CSNK1A1: variants seen among roughly 807,000 people sequenced by gnomAD.
CSNK1A1 encodes the protein casein kinase I isoform alpha.
In CSNK1A1, 7 loss-of-function variants were observed where a neutral mutation model predicts 46.1. The ratio of observed to expected loss-of-function variants is 0.15; its 90% CI spans 0.09 to 0.29. The LOEUF is 0.29. Ranked by LOEUF, CSNK1A1 falls within the 10% of genes least tolerant of loss-of-function variation. CSNK1A1 has a pLI of 1.00. For synonymous variants in CSNK1A1, 137 were observed against 141.5 expected, an observed-to-expected ratio of 0.97 and a Z score of 0.23; for missense variants, 96 against 417.1, an observed-to-expected ratio of 0.23 and a Z score of 6.71.
chr5:149,549,129 T>TTC (rs1762578073), intron 2 of CSNK1A1, among the ~76,000 whole-genome samples: 1 of 152,192 alleles, frequency 6.6e-6, no homozygotes, highest in South Asian at 2.1e-4. Context: ...AGGCCCCAAT[T>TTC]TCTCTGATGT....
intron 9 of CSNK1A1, chr5:149,498,602 T>C (rs1167992769): frequency 7.2e-6 from 5 of 697,830 alleles, no homozygotes; most frequent in Non-Finnish European, 8.7e-6. Flanking sequence ...TTAAACAGAT[T>C]AAACAGGATT....
chr5:149,547,979 T>A (rs1762532937), intron 2 of CSNK1A1, among the ~76,000 whole-genome samples: 1 of 152,092 alleles, frequency 6.6e-6, no homozygotes, highest in Admixed American at 6.5e-5. Flanking sequence ...CAAGCTATTC[T>A]CCTGCTTCAG....
Position 149,525,321 on chromosome 5 carries a change from C to T in CSNK1A1, c.231-150G>A, listed in dbSNP as rs1761692904. On this transcript the variant is annotated intron_variant, in intron 2 of 9. Coordinates refer to ENST00000377843, the MANE Select transcript of CSNK1A1 (RefSeq NM_001892.6). This position sits in a 1 kb window ranked among gnomAD's most constrained non-coding sequence, Gnocchi z 4.2. Reference sequence around the variant, plus strand: ...AGAAGACAAACCCACTAATTAACTACAAGGCCCAAAGACAAAACAAGGGTA... The same window carrying T: ...AGAAGACAAACCCACTAATTAACTATAAGGCCCAAAGACAAAACAAGGGTA... 2.4e-6 allele frequency: 2 copies of T among 823,088 alleles called. No homozygotes were observed. The highest frequency in any genetic ancestry group is 6.0e-5 in the East Asian group (2 of 33,320). The allele number at this position is 823,088 out of a possible 1,614,324, so 51.0% of individuals were successfully genotyped here.
intron 2 of CSNK1A1, among the ~76,000 whole-genome samples, chr5:149,536,967 A>T (rs1762078103): frequency 6.6e-6 from 1 of 152,232 alleles, no homozygotes; most frequent in Non-Finnish European, 1.5e-5. Context: ...AAGATTCTTA[A>T]TATAACCCTA....
At chr5:149,511,477 T>A in intron 6 of CSNK1A1, among the ~76,000 whole-genome samples, 1 of 152,140 alleles carries the variant, frequency 6.6e-6, no homozygotes, top group East Asian at 1.9e-4. Flanking sequence ...ATTTTCAACA[T>A]AATGGCAACA....
At chr5:149,498,500 GTT>G (rs1760726143) in intron 9 of CSNK1A1, 1 of 985,072 alleles carries the variant, frequency 1.0e-6, no homozygotes, top group Non-Finnish European at 1.2e-6. Context: ...TACAGGAAAA[GTT>G]TCAAGCTTCT....
intron 2 of CSNK1A1, among the ~76,000 whole-genome samples, chr5:149,546,860 A>G (rs886206186): frequency 3.9e-5 from 6 of 152,212 alleles, no homozygotes; most frequent in Non-Finnish European, 7.3e-5. Flanking sequence ...TACCATGTAT[A>G]GGTGATACAG....
intron 7 of CSNK1A1, among the ~76,000 whole-genome samples, chr5:149,508,529 A>G (rs757607615): frequency 6.6e-6 from 1 of 152,228 alleles, no homozygotes; most frequent in Non-Finnish European, 1.5e-5. Flanking sequence ...GGATGAGATC[A>G]TGGTTATTCA....
Position 149,505,011 on chromosome 5 carries a change from A to G in CSNK1A1, c.1006+436T>C, listed in dbSNP as rs1056045934. ...AAAGCATTAACATGCAAAATAAAAA[A>G]TCTTAACATTGTTAGTCTGAAATAA... is the stretch of plus-strand genomic sequence containing the variant. On this transcript the variant is annotated intron_variant, in intron 9 of 9. Coordinates refer to ENST00000377843, the MANE Select transcript of CSNK1A1 (RefSeq NM_001892.6). The G allele has an allele frequency of 3.0e-6, 3 of 985,920 alleles. No homozygotes were observed. In the African/African-American group the frequency reaches 5.2e-5, roughly 17 times the overall value. The allele number at this position is 985,920 out of a possible 1,614,324, so 61.1% of individuals were successfully genotyped here.
Position 149,496,679 on chromosome 5 carries a change from G to T in CSNK1A1, c.*174C>A. 1.4e-6 allele frequency: 1 copy of T among 717,772 alleles called. No individual in the cohort carries two copies. Among genetic ancestry groups the T allele is most frequent in the Non-Finnish European group, 2.1e-6 (1 of 467,942 alleles). 44.5% of individuals were successfully genotyped at this position (717,772 alleles called of 1,614,324 possible). ...TACAGAGGCTACAACTCAGGATACA[G>T]CATCACCAATGCTGCCCAGAGTCAG... On this transcript the variant is annotated 3_prime_UTR_variant, in exon 10 of 10. Transcript: ENST00000377843.
intron 2 of CSNK1A1, chr5:149,529,591 G>C (rs1345149907): frequency 7.0e-6 from 3 of 425,718 alleles, no homozygotes; most frequent in Admixed American, 5.2e-5. Flanking sequence ...AAGTAAGGCA[G>C]AAAAGGGCTT....
In CSNK1A1 at chr5:149,550,837, A is replaced by T. The variant is rs775403701; in HGVS notation, c.123+5T>A. 3.1e-6 allele frequency: 5 copies of T among 1,613,908 alleles called. No individual in the cohort carries two copies. Among genetic ancestry groups the T allele is most frequent in the Non-Finnish European group, 4.2e-6 (5 of 1,179,884 alleles). ...GTTATCGTGAACCCCACCCCAGATG[A>T]TTACCTCGCCGTTGGTGATGTTGAT... On this transcript the variant is annotated splice_donor_5th_base_variant and intron_variant, in intron 1 of 9. Transcript: ENST00000377843. The surrounding 1 kb of genome is among the most constrained non-coding windows in gnomAD (Gnocchi z 4.3).
chr5:149,498,469 G>C, intron 9 of CSNK1A1: 1 of 985,286 alleles, frequency 1.0e-6, no homozygotes, highest in South Asian at 4.7e-5. Flanking sequence ...TATACCCTGT[G>C]ACCAAATTTC....
chr5:149,539,554 A>T lies in CSNK1A1; in HGVS notation c.230+10521T>A, dbSNP rs575537673. ...TGGGGGTTGATGGGGGTGAGTAGCAAAGCAAAAATTATTGTTATTAATTAT... is the reference window on the plus strand; with the variant it reads ...TGGGGGTTGATGGGGGTGAGTAGCATAGCAAAAATTATTGTTATTAATTAT... On this transcript the variant is annotated intron_variant, in intron 2 of 9. Transcript: ENST00000377843. Among the ~76,000 whole-genome samples the T allele has an allele frequency of 5.3e-5, 8 of 152,168 alleles. No homozygotes were observed. The South Asian group carries it at 1.7e-3, about 32-fold the overall frequency.
chr5:149,539,681 T>C lies in CSNK1A1; in HGVS notation c.230+10394A>G, dbSNP rs574605246. On this transcript the variant is annotated intron_variant, in intron 2 of 9. Transcript: ENST00000377843. ...TCATGATACCTACGTCATATCCCAA[T>C]TTAATTAAATCAAAATACTTGCAGT... 2.0e-5 allele frequency among the ~76,000 whole-genome samples: 3 copies of C among 152,276 alleles called. No individual in the cohort carries two copies. The South Asian group carries it at 6.2e-4, about 32-fold the overall frequency.
At position 149,505,592 on chromosome 5, in the gene CSNK1A1, G is replaced by A; in HGVS notation, c.861C>T (p.Thr287=). The part of the protein sequence containing the change: ...LRQLFRILFR[T]LNHQYDYTFD... ...ATGTGTAGTCATATTGATGGTTCAG[G>A]GTCCTGGAACACATAAAATATTTTA... is the stretch of plus-strand genomic sequence containing the variant. Residue 287 remains threonine, a synonymous_variant, in exon 9 of 10, where the codon ACC becomes ACT. Coordinates refer to ENST00000377843, the MANE Select transcript of CSNK1A1 (RefSeq NM_001892.6). 1 of 1,612,976 alleles carries A rather than the reference G, an allele frequency of 6.2e-7. No individual in the cohort carries two copies. The highest frequency in any genetic ancestry group is 1.1e-5 in the South Asian group (1 of 91,034).
intron 2 of CSNK1A1, among the ~76,000 whole-genome samples, chr5:149,546,651 C>T (rs1762492858): frequency 6.6e-6 from 1 of 150,974 alleles, no homozygotes; most frequent in African/African-American, 2.4e-5. Context: ...AAAAGCAAAT[C>T]CTATAGGGAA....
intron 2 of CSNK1A1, among the ~76,000 whole-genome samples, chr5:149,535,318 C>T (rs766920284): frequency 4.6e-5 from 7 of 152,188 alleles, no homozygotes; most frequent in Non-Finnish European, 1.0e-4. Context: ...ACCCCAATCC[C>T]AGTTCCCTGG....
chr5:149,495,241 A>C lies in CSNK1A1; in HGVS notation c.*1612T>G, dbSNP rs1287607334. On this transcript the variant is annotated 3_prime_UTR_variant, in exon 10 of 10. Transcript: ENST00000377843. ...AAAAAAGAAAAAAGAAAACAAAACA[A>C]ATTAAACTTGACACAATCTGACCAA... 2 of 152,218 alleles carry C rather than the reference A, an allele frequency of 1.3e-5. No individual in the cohort carries two copies. The highest frequency in any genetic ancestry group is 2.9e-5 in the Non-Finnish European group (2 of 68,048). The allele number at this position is 152,218 out of a possible 1,614,324, so 9.4% of individuals were successfully genotyped here.
Sources: allele counts gnomAD v4.1 joint callset (sites outside exome capture counted in the v4.1 genomes callset), GRCh38; gene constraint gnomAD v4.1.1; non-coding constraint Gnocchi (gnomAD v3.1); transcripts MANE v1.5; gene names NCBI Gene and HGNC (gene_info 2026-07-23, HGNC 2026-07-21).